Variants in AZIN1 observed in about 807,000 individuals in gnomAD.
The protein encoded by AZIN1 is antizyme inhibitor 1, also known as ornithine decarboxylase antizyme inhibitor.
Under a neutral mutation model 47.4 loss-of-function variants are expected in AZIN1, and 12 were observed. The ratio of observed to expected loss-of-function variants is 0.25; its 90% CI spans 0.16 to 0.41. The LOEUF is 0.41. AZIN1 is among the 10% of genes least tolerant of loss of function. The probability of loss-of-function intolerance (pLI) is 1.00; values close to 1 mark genes in which losing one functional copy is unlikely to be tolerated. For missense variants in AZIN1, 410 were observed against 532.4 expected, an observed-to-expected ratio of 0.77 and a Z score of 2.26; for synonymous variants, 155 against 176.3, an observed-to-expected ratio of 0.88 and a Z score of 0.96.
At chr8:102,858,561 T>C (rs142543030) in intron 1 of AZIN1, among the ~76,000 whole-genome samples, 7 of 152,348 alleles carry the variant, frequency 4.6e-5, no homozygotes, top group African/African-American at 1.2e-4. Flanking sequence ...AATAATGTAC[T>C]AGCATGACCC....
intron 1 of AZIN1, among the ~76,000 whole-genome samples, chr8:102,863,399 C>A (rs1354268834): frequency 6.6e-6 from 1 of 151,846 alleles, no homozygotes; most frequent in Non-Finnish European, 1.5e-5. Context: ...GCTGCGGGAC[C>A]CCGGCCCCTC....
chr8:102,829,608 A>C, intron 10 of AZIN1, 122 bp from the exon 11 acceptor site: 1 of 994,622 alleles, frequency 1.0e-6, no homozygotes, highest in Non-Finnish European at 1.5e-6. Flanking sequence ...GCCTAGAGCC[A>C]AGGGCAGGGT....
rs1586189334 is a variant in AZIN1 at position 102,848,418 on chromosome 8, T to C, written c.-95-4671A>G. On this transcript the variant is annotated intron_variant, in intron 2 of 11. Coordinates refer to ENST00000337198, the MANE Select transcript of AZIN1 (RefSeq NM_148174.4). ...AGTTTTCTTTTTTTGTTTTTCTCTT[T>C]ATGGAGAATGGGGTCTCACTATATT... Among the ~76,000 whole-genome samples, 3 of 152,230 alleles carry C rather than the reference T, an allele frequency of 2.0e-5. No homozygotes were observed. In the East Asian group the frequency reaches 5.8e-4, roughly 29 times the overall value.
chr8:102,863,540 C>A (rs1416673091), intron 1 of AZIN1, among the ~76,000 whole-genome samples: 2 of 151,422 alleles, frequency 1.3e-5, no homozygotes, highest in Admixed American at 1.3e-4. Context: ...CTGGCACACG[C>A]CCCCTCGCCC....
intron 1 of AZIN1, among the ~76,000 whole-genome samples, chr8:102,859,772 G>A (rs986349630): frequency 5.9e-5 from 9 of 152,166 alleles, no homozygotes; most frequent in African/African-American, 1.9e-4. Flanking sequence ...AGAGGCGGAG[G>A]TTGCAGTGAG....
In AZIN1 at chr8:102,828,350, T is replaced by C. The variant is rs2131183519; in HGVS notation, c.*217A>G. ...ACGCTTAAGGGGTAGGACAAACTGG[T>C]AGGTTTAAATCTGGATACATTATCT... On this transcript the variant is annotated 3_prime_UTR_variant, in exon 12 of 12. Coordinates refer to ENST00000337198, the MANE Select transcript of AZIN1 (RefSeq NM_148174.4). The C allele has an allele frequency of 7.6e-6, 3 of 395,228 alleles. No individual in the cohort carries two copies. Among genetic ancestry groups the C allele is most frequent in the South Asian group, 1.2e-4 (2 of 16,228 alleles). The allele number at this position is 395,228 out of a possible 1,614,324, so 24.5% of individuals were successfully genotyped here.
chr8:102,829,707 A>G (rs1191092945), intron 10 of AZIN1, 114 bp downstream of exon 10: 1 of 910,782 alleles, frequency 1.1e-6, no homozygotes. Flanking sequence ...AATCCTCAAA[A>G]AGGACATTTT....
intron 3 of AZIN1, 149 bp from the exon 4 acceptor site, chr8:102,839,972 T>G: frequency 4.2e-6 from 2 of 470,612 alleles, no homozygotes; most frequent in Non-Finnish European, 7.3e-6. Context: ...GCTTGTTAAC[T>G]AGATTTAGTA....
chr8:102,839,827 T>G lies in AZIN1; in HGVS notation c.103-4A>C, dbSNP rs745397151. The stretch of plus-strand genomic sequence containing the variant: ...CAAAAAATGCATTTTTCCCTGTCTA[T>G]TATGGTTATAAAAAAAAAGACAAAT... On this transcript the variant is annotated splice_polypyrimidine_tract_variant and splice_region_variant and intron_variant, in intron 3 of 11. Transcript: ENST00000337198. The G allele has an allele frequency of 5.2e-6, 8 of 1,549,442 alleles. No homozygotes were observed. The South Asian group carries it at 9.6e-5, about 19-fold the overall frequency.
rs1375826327 is a variant in AZIN1 at position 102,863,435 on chromosome 8, G to T, written c.-234+372C>A. 5.3e-5 allele frequency among the ~76,000 whole-genome samples: 8 copies of T among 151,660 alleles called. No homozygotes were observed. The South Asian group carries it at 1.7e-3, about 32-fold the overall frequency. On this transcript the variant is annotated intron_variant, in intron 1 of 11. Transcript: ENST00000337198. Reference sequence around the variant, plus strand: ...AGGGCTGCGGCCGGGCCCCCTCCCCGGAAACAGCAATGCACCACGGGAGAG... The same window carrying T: ...AGGGCTGCGGCCGGGCCCCCTCCCCTGAAACAGCAATGCACCACGGGAGAG...
rs557664741 is a variant in AZIN1, at chr8:102,835,980, C to T, written c.584+276G>A. On this transcript the variant is annotated intron_variant, in intron 6 of 11. Coordinates refer to ENST00000337198, the MANE Select transcript of AZIN1 (RefSeq NM_148174.4). ...CCCTCCCATCCAATTTAAAAGGCGG[C>T]GATTTAAGTTACTCTGCACTAACTG... Among the ~76,000 whole-genome samples, 22 of 152,196 alleles carry T rather than the reference C, an allele frequency of 1.4e-4. 1 individual carries two copies. In the South Asian group the frequency reaches 3.5e-3, roughly 24 times the overall value.
At chr8:102,836,991 G>A (rs149398709) in intron 5 of AZIN1, among the ~76,000 whole-genome samples, 4,856 of 152,002 alleles carry the variant, frequency 0.032, 115 homozygotes, top group Non-Finnish European at 0.046. Context: ...TGCAACCTCC[G>A]CCTCATGAGA....
rs757965469 is a variant in AZIN1 at position 102,834,696 on chromosome 8, T to C, written c.636A>G (p.Leu212=). The C allele has an allele frequency of 9.3e-6, 15 of 1,611,634 alleles. No individual in the cohort carries two copies. The highest frequency in any genetic ancestry group is 3.3e-4 in the Middle Eastern group (2 of 6,074). The part of the protein sequence containing the change: ...CKESQVYVHA[L]SDARCVFDMA... ...TGTCAAACACACATCGAGCATCAGATAGAGCATGTACATATACTTGAGATT... is the reference window on the plus strand; with the variant it reads ...TGTCAAACACACATCGAGCATCAGACAGAGCATGTACATATACTTGAGATT... The change falls in exon 7 of 12, where the codon CTA becomes CTG. Residue 212 remains leucine (L), a synonymous_variant. Coordinates refer to ENST00000337198, the MANE Select transcript of AZIN1 (RefSeq NM_148174.4).
intron 2 of AZIN1, among the ~76,000 whole-genome samples, chr8:102,849,415 T>G (rs1156821916): frequency 6.6e-6 from 1 of 152,164 alleles, no homozygotes; most frequent in African/African-American, 2.4e-5. Flanking sequence ...CAATTCTGAG[T>G]GGAAATAATT....
At chr8:102,852,101 T>C (rs1812951807) in intron 2 of AZIN1, among the ~76,000 whole-genome samples, 2 of 152,208 alleles carry the variant, frequency 1.3e-5, no homozygotes, top group African/African-American at 4.8e-5. Flanking sequence ...AGAATTTCCA[T>C]GTTGAACATA....
At chr8:102,839,459 A>C (rs1028785321) in intron 4 of AZIN1, among the ~76,000 whole-genome samples, 191 bp downstream of exon 4, 28 of 152,232 alleles carry the variant, frequency 1.8e-4, no homozygotes, top group Non-Finnish European at 3.8e-4. Flanking sequence ...GGCTCATTAC[A>C]CTGAAACTTC....
At chr8:102,853,489 C>T (rs1055269390) in intron 2 of AZIN1, among the ~76,000 whole-genome samples, 7 of 152,176 alleles carry the variant, frequency 4.6e-5, no homozygotes, top group African/African-American at 1.4e-4. Context: ...GCAACAAGAG[C>T]GAAACTTCGT....
intron 9 of AZIN1, among the ~76,000 whole-genome samples, chr8:102,830,650 CA>C (rs891178954): frequency 8.9e-4 from 104 of 116,724 alleles, no homozygotes; most frequent in South Asian, 1.5e-3. Flanking sequence ...GTCTCAAAAA[CA>C]AAAAAAAAAA....
At chr8:102,847,090 C>T (rs1812611729) in intron 2 of AZIN1, among the ~76,000 whole-genome samples, 1 of 152,126 alleles carries the variant, frequency 6.6e-6, no homozygotes, top group Admixed American at 6.6e-5. Flanking sequence ...GAGTTGTTAA[C>T]CACGTCCCAG....
Sources: gnomAD v4.1 joint callset for allele counts (sites outside exome capture counted in the v4.1 genomes callset) on GRCh38, gnomAD v4.1.1 for gene constraint, MANE v1.5 for transcripts, NCBI Gene and HGNC (gene_info 2026-07-23, HGNC 2026-07-21) for gene names.